Variants in DYNC2H1 observed in about 807,000 individuals in gnomAD.
DYNC2H1 encodes the protein cytoplasmic dynein 2 heavy chain 1.
A neutral mutation model predicts 570.0 loss-of-function variants in DYNC2H1; 410 were observed. The observed-to-expected ratio is 0.72, with a 90% CI of 0.66 to 0.78. The LOEUF (loss-of-function observed/expected upper bound fraction) is 0.78. Ranked by LOEUF, DYNC2H1 falls within the 30% of genes least tolerant of loss-of-function variation. The probability of loss-of-function intolerance (pLI) is 0.00; values close to 1 mark genes in which losing one functional copy is unlikely to be tolerated. For synonymous variants in DYNC2H1, 1,688 were observed against 1,677.6 expected (o/e 1.01, Z -0.15); for missense variants, 4,865 against 5,046.4 (o/e 0.96, Z 1.09).
intron 82 of DYNC2H1, among the ~76,000 whole-genome samples, chr11:103,338,531 A>G (rs773533103): frequency 2.0e-5 from 3 of 152,102 alleles, no homozygotes; most frequent in Middle Eastern, 3.4e-3. Flanking sequence ...GTACTCTTCA[A>G]TTTCTCTGTG....
At chr11:103,467,399 C>T (rs1174222705) in intron 87 of DYNC2H1, among the ~76,000 whole-genome samples, 1 of 152,172 alleles carries the variant, frequency 6.6e-6, no homozygotes, top group Admixed American at 6.5e-5. Context: ...AGCACCTAAA[C>T]CATTCCCTGA....
intron 17 of DYNC2H1, 120 bp from the exon 18 acceptor site, chr11:103,143,148 A>C: frequency 1.0e-6 from 1 of 954,176 alleles, no homozygotes; most frequent in Non-Finnish European, 1.5e-6. Context: ...ACTTAAATTG[A>C]CACTTGAATA....
At chr11:103,418,198 C>A (rs1793507) in intron 84 of DYNC2H1, among the ~76,000 whole-genome samples, 76,287 of 151,624 alleles carry the variant, frequency 0.5, 19,395 homozygotes, top group African/African-American at 0.59. Context: ...AAAATAAATA[C>A]AAGTCATGCA....
At chr11:103,477,570 G>A (rs779196352) in intron 88 of DYNC2H1, among the ~76,000 whole-genome samples, 3 of 152,032 alleles carry the variant, frequency 2.0e-5, no homozygotes, top group Admixed American at 6.6e-5. Context: ...AGTGGCTCAC[G>A]CCTGTAATCC....
intron 78 of DYNC2H1, among the ~76,000 whole-genome samples, chr11:103,310,635 A>AAATTTGAT (rs1363170484): frequency 6.8e-6 from 1 of 147,388 alleles, no homozygotes; most frequent in Non-Finnish European, 1.5e-5. Flanking sequence ...AAAAAAGTGT[A>AAATTTGAT]AATTTGATAG....
At position 103,254,113 on chromosome 11, in the gene DYNC2H1, T is replaced by C. The variant is rs1452491109; in HGVS notation, c.10206+665T>C. On this transcript the variant is annotated intron_variant, in intron 66 of 88. Coordinates refer to ENST00000375735, the MANE Select transcript of DYNC2H1 (RefSeq NM_001377.3). This position sits in a 1 kb window ranked among gnomAD's most constrained non-coding sequence, Gnocchi z 4.9. ...CATATTTGCTGCAATTTTTACTTGA[T>C]TGTAATTTTTAAAATTGTCCTTTCA... Among the ~76,000 whole-genome samples, 2 of 152,198 alleles carry C rather than the reference T, an allele frequency of 1.3e-5. No individual in the cohort carries two copies. Among genetic ancestry groups the C allele is most frequent in the Non-Finnish European group, 2.9e-5 (2 of 68,020 alleles).
At chr11:103,399,276 G>A (rs1443287297) in intron 83 of DYNC2H1, among the ~76,000 whole-genome samples, 3 of 148,096 alleles carry the variant, frequency 2.0e-5, no homozygotes, top group African/African-American at 5.0e-5. Context: ...TTGAGTGGCT[G>A]TGGTTACAGG....
Position 103,154,472 on chromosome 11 carries a change from A to C in DYNC2H1, c.3324A>C (p.Arg1108Ser). 3 of 1,544,906 alleles carry C rather than the reference A, an allele frequency of 1.9e-6. No homozygotes were observed. The highest frequency in any genetic ancestry group is 2.6e-6 in the Non-Finnish European group (3 of 1,148,500). Residue 1108 changes from arginine to serine, a missense_variant, in exon 23 of 89, where the codon AGA becomes AGC. This residue lies in a region of DYNC2H1 where 1,936 missense variants were observed against 1,962.1 expected (regional missense o/e 0.99). Coordinates refer to ENST00000375735, the MANE Select transcript of DYNC2H1 (RefSeq NM_001377.3). Reference sequence around the variant, plus strand: ...ATAGTGATGATTGCCATCATTTTAGACTGGAAGAGCCTAATTTCTCCCTGG... The same window carrying C: ...ATAGTGATGATTGCCATCATTTTAGCCTGGAAGAGCCTAATTTCTCCCTGG... ...KKLVDDCHHF[R>S]LEEPNFSLAS...
chr11:103,168,613 G>T, intron 31 of DYNC2H1, 142 bp from the exon 32 acceptor site: 2 of 819,230 alleles, frequency 2.4e-6, no homozygotes, highest in Non-Finnish European at 1.8e-6. Context: ...TAGCTTATGT[G>T]ATTTGTATTA....
intron 85 of DYNC2H1, among the ~76,000 whole-genome samples, chr11:103,451,276 T>C (rs187724375): frequency 6.6e-6 from 1 of 151,982 alleles, no homozygotes; most frequent in Admixed American, 6.6e-5. Context: ...AATGTCTTCA[T>C]TATTCCCTTA....
chr11:103,427,608 A>G (rs1779777175), intron 84 of DYNC2H1, among the ~76,000 whole-genome samples: 1 of 152,120 alleles, frequency 6.6e-6, no homozygotes. Context: ...GGGCTGGCAG[A>G]TCTGGTGGTA....
Position 103,243,729 on chromosome 11 carries a change from C to A in DYNC2H1, c.9856C>A (p.Gln3286Lys). Residue 3286 changes from glutamine to lysine, a missense_variant, in exon 64 of 89, where the codon CAA becomes AAA. Transcript: ENST00000375735. This position sits in a 1 kb window ranked among gnomAD's most constrained non-coding sequence, Gnocchi z 4.8. Reference sequence around the variant, plus strand: ...CCCATTTCTTATAGATCCTTCTTCCCAAGCTACAGAGTGGTTAAAAACACA... The same window carrying A: ...CCCATTTCTTATAGATCCTTCTTCCAAAGCTACAGAGTGGTTAAAAACACA... ...VCPFLIDPSS[Q>K]ATEWLKTHLK... The A allele has an allele frequency of 6.2e-7, 1 of 1,606,378 alleles. No homozygotes were observed. Among genetic ancestry groups the A allele is most frequent in the East Asian group, 2.2e-5 (1 of 44,532 alleles).
chr11:103,222,231 A>G (rs1863615911), intron 58 of DYNC2H1, 78 bp downstream of exon 58: 2 of 1,027,414 alleles, frequency 1.9e-6, no homozygotes, highest in South Asian at 2.3e-5. Flanking sequence ...GTGCTTTGTC[A>G]TTGCCAACTG....
chr11:103,250,319 C>T (rs533710071), intron 65 of DYNC2H1, among the ~76,000 whole-genome samples: 72 of 151,840 alleles, frequency 4.7e-4, no homozygotes, highest in African/African-American at 1.7e-3. Context: ...ATCAATATTA[C>T]TAATCTTTTC....
At chr11:103,266,897 G>C (rs1428682217) in intron 70 of DYNC2H1, among the ~76,000 whole-genome samples, 1 of 152,236 alleles carries the variant, frequency 6.6e-6, no homozygotes, top group African/African-American at 2.4e-5. Flanking sequence ...CTGCCCTGCA[G>C]AGTTCAGGAC....
At chr11:103,135,995 GA>G (rs758782341) in intron 17 of DYNC2H1, 47 bp downstream of exon 17, 173 of 1,420,654 alleles carry the variant, frequency 1.2e-4, no homozygotes, top group Non-Finnish European at 1.5e-4. Flanking sequence ...AATTATTTCT[GA>G]TTGATTGAAT....
At chr11:103,193,639 G>C (rs1373208218) in intron 47 of DYNC2H1, among the ~76,000 whole-genome samples, 5 of 151,990 alleles carry the variant, frequency 3.3e-5, no homozygotes, top group Admixed American at 1.3e-4. Flanking sequence ...CGCCTCCCGG[G>C]TTTAACTGAT....
intron 70 of DYNC2H1, among the ~76,000 whole-genome samples, chr11:103,269,370 A>G (rs1865616241): frequency 6.6e-6 from 1 of 152,212 alleles, no homozygotes; most frequent in Admixed American, 6.5e-5. Flanking sequence ...GGATGGAACC[A>G]ATTTTATATT....
At chr11:103,303,692 T>G (rs1468609483) in intron 76 of DYNC2H1, among the ~76,000 whole-genome samples, 1 of 152,038 alleles carries the variant, frequency 6.6e-6, no homozygotes, top group Non-Finnish European at 1.5e-5. Flanking sequence ...TTTTAGAGCC[T>G]TTAGAAAGAA....
Sources: allele counts gnomAD v4.1 joint callset (sites outside exome capture counted in the v4.1 genomes callset), GRCh38; gene constraint gnomAD v4.1.1; regional missense constraint gnomAD v4.1.1; non-coding constraint Gnocchi (gnomAD v3.1); transcripts MANE v1.5; gene names NCBI Gene and HGNC (gene_info 2026-07-23, HGNC 2026-07-21).